The following CMTR1 variants were observed in gnomAD, a reference collection of about 807,000 sequenced individuals.
CMTR1 encodes cap-specific mRNA (nucleoside-2'-O-)-methyltransferase 1.
CMTR1 carries 39 observed loss-of-function variants against 107.0 expected under a neutral mutation model. The observed-to-expected ratio is 0.36, with a 90% CI of 0.28 to 0.48. CMTR1 has a LOEUF of 0.48. Among genes scored for constraint, CMTR1 ranks in the 20% least tolerant of loss-of-function variants. The pLI, the probability that CMTR1 is intolerant of heterozygous loss-of-function variation, is 0.99. For synonymous variants in CMTR1, 366 were observed against 379.5 expected (o/e 0.96, Z 0.41); for missense variants, 672 against 1,064.9 (o/e 0.63, Z 5.14).
Position 37,446,288 on chromosome 6 carries a change from C to G in CMTR1, c.286-3C>G. ...ATTGTGCTCCACTACTTCTCTTTTT[C>G]AGGCCAAGATGGGCTTCAGGGAAGG... On this transcript the variant is annotated splice_region_variant and splice_polypyrimidine_tract_variant and intron_variant, in intron 3 of 23. Transcript: ENST00000373451. 1 of 1,612,664 alleles carries G rather than the reference C, an allele frequency of 6.2e-7. No homozygotes were observed. Among genetic ancestry groups the G allele is most frequent in the Non-Finnish European group, 8.5e-7 (1 of 1,179,586 alleles).
At chr6:37,456,724 T>G (rs1232700810) in intron 8 of CMTR1, among the ~76,000 whole-genome samples, 2 of 152,170 alleles carry the variant, frequency 1.3e-5, no homozygotes, top group African/African-American at 4.8e-5. Context: ...CCAACTATAG[T>G]CTTTTGCAGT....
At chr6:37,477,688 C>A in intron 21 of CMTR1, 49 bp downstream of exon 21, 3 of 1,315,584 alleles carry the variant, frequency 2.3e-6, no homozygotes, top group Non-Finnish European at 3.3e-6. Flanking sequence ...GGTGGGGGTG[C>A]GGCCGTGTCC....
Position 37,459,665 on chromosome 6 carries a change from A to G in CMTR1, c.1076A>G (p.His359Arg). ...GATAACACAGATCGCAAGGGTGTCC[A>G]TTTTCTGATGGCTGATGGGGTAGGT... ...VLDNTDRKGV[H>R]FLMADGGFSV... The change falls in exon 10 of 24, where the codon CAT becomes CGT. Residue 359 changes from histidine to arginine, a missense_variant. His to Arg is a conservative substitution (Grantham distance 29). Coordinates refer to ENST00000373451, the MANE Select transcript of CMTR1 (RefSeq NM_015050.3). 1 of 1,613,832 alleles carries G rather than the reference A, an allele frequency of 6.2e-7. No individual in the cohort carries two copies. The highest frequency in any genetic ancestry group is 8.5e-7 in the Non-Finnish European group (1 of 1,179,756).
chr6:37,444,413 T>C (rs1771739098), intron 3 of CMTR1, among the ~76,000 whole-genome samples: 1 of 152,182 alleles, frequency 6.6e-6, no homozygotes, highest in Non-Finnish European at 1.5e-5. Context: ...AATGAATTCT[T>C]ATTACTAACA....
At chr6:37,452,807 T>G (rs1003922436) in intron 6 of CMTR1, among the ~76,000 whole-genome samples, 1 of 152,052 alleles carries the variant, frequency 6.6e-6, no homozygotes, top group Non-Finnish European at 1.5e-5. Context: ...GCGGGTGCCG[T>G]TTTTTAAACA....
Position 37,462,943 on chromosome 6 carries a change from G to A in CMTR1, c.1440G>A (p.Val480=), listed in dbSNP as rs1761431632. The change falls in exon 13 of 24, where the codon GTG becomes GTA. Residue 480 remains valine (V), a synonymous_variant. Coordinates refer to ENST00000373451, the MANE Select transcript of CMTR1 (RefSeq NM_015050.3). ...ACACGGATTCCGACGTCAACTTGGT[G>A]GTCCCCCTGGAGGTGATCAAGGGAG... ...LRNTDSDVNL[V]VPLEVIKGDH... is the part of the protein sequence containing the mutation. The A allele has an allele frequency of 6.2e-7, 1 of 1,614,056 alleles. No individual in the cohort carries two copies. The highest frequency in any genetic ancestry group is 1.3e-5 in the African/African-American group (1 of 74,910).
chr6:37,469,521 C>T (rs1317637196), intron 13 of CMTR1, among the ~76,000 whole-genome samples: 2 of 61,594 alleles, frequency 3.2e-5, no homozygotes, highest in Non-Finnish European at 5.6e-5. Context: ...TTGTTTTATC[C>T]TTTTTTTTTT....
chr6:37,480,773 G>T lies in CMTR1; in HGVS notation c.*628G>T. The T allele has an allele frequency of 9.2e-7, 1 of 1,091,714 alleles. No individual in the cohort carries two copies. The highest frequency in any genetic ancestry group is 1.1e-6 in the Non-Finnish European group (1 of 893,326). 67.6% of individuals were successfully genotyped at this position (1,091,714 alleles called of 1,614,324 possible). On this transcript the variant is annotated 3_prime_UTR_variant, in exon 24 of 24. Coordinates refer to ENST00000373451, the MANE Select transcript of CMTR1 (RefSeq NM_015050.3). Reference sequence around the variant, plus strand: ...GAGCTCTGACAGTCCAGCAGGGTGGGAAGGAGGGAGTTTGGGCAAACTCTC... The same window carrying T: ...GAGCTCTGACAGTCCAGCAGGGTGGTAAGGAGGGAGTTTGGGCAAACTCTC...
the CMTR1 span, among the ~76,000 whole-genome samples, chr6:37,425,763 T>C: frequency 1.3e-5 from 2 of 152,198 alleles, no homozygotes; most frequent in Admixed American, 6.6e-5. Flanking sequence ...TTGATATGCA[T>C]ATCTTTGAGT....
intron 9 of CMTR1, 58 bp from the exon 10 acceptor site, chr6:37,459,507 TC>T: frequency 6.9e-7 from 1 of 1,441,110 alleles, no homozygotes; most frequent in South Asian, 1.1e-5. Flanking sequence ...AGCACTCGTG[TC>T]CCAGCTCCTG....
intron 2 of CMTR1, chr6:37,436,486 C>G (rs892855048): frequency 1.3e-5 from 2 of 152,256 alleles, no homozygotes; most frequent in Non-Finnish European, 2.9e-5. Context: ...CATTTATTCT[C>G]TCACAGCTCT....
chr6:37,438,062 T>C (rs1310758925), intron 2 of CMTR1, among the ~76,000 whole-genome samples: 1 of 152,194 alleles, frequency 6.6e-6, no homozygotes, highest in African/African-American at 2.4e-5. Context: ...CAGTCAGGAT[T>C]GACTATTGCT....
the CMTR1 span, among the ~76,000 whole-genome samples, chr6:37,425,456 G>T: frequency 6.6e-6 from 1 of 150,858 alleles, no homozygotes; most frequent in South Asian, 2.1e-4. Context: ...GCCACGCCTG[G>T]CTAATTTTTT....
chr6:37,442,186 GT>G (rs1175278216), intron 2 of CMTR1, among the ~76,000 whole-genome samples: 1 of 152,182 alleles, frequency 6.6e-6, no homozygotes, highest in Non-Finnish European at 1.5e-5. Context: ...TATAGAATAG[GT>G]GCTGAACCAG....
At position 37,480,832 on chromosome 6, in the gene CMTR1, T is replaced by C. The variant is rs533319525; in HGVS notation, c.*687T>C. On this transcript the variant is annotated 3_prime_UTR_variant, in exon 24 of 24. Coordinates refer to ENST00000373451, the MANE Select transcript of CMTR1 (RefSeq NM_015050.3). ...TACCACATTGAGATCCTGGGAGCCC[T>C]CTTTTCGTACTGAGTATGGAGTTGT... 8.8e-7 allele frequency: 1 copy of C among 1,134,386 alleles called. No individual in the cohort carries two copies. Among genetic ancestry groups the C allele is most frequent in the East Asian group, 7.1e-5 (1 of 14,082 alleles). 70.3% of individuals were successfully genotyped at this position (1,134,386 alleles called of 1,614,324 possible).
chr6:37,444,361 T>C (rs1771738008), intron 3 of CMTR1, among the ~76,000 whole-genome samples: 2 of 152,242 alleles, frequency 1.3e-5, no homozygotes, highest in Admixed American at 1.3e-4. Context: ...GGCCTGTTTC[T>C]GCTGTTCTAT....
intron 22 of CMTR1, among the ~76,000 whole-genome samples, chr6:37,478,757 A>G (rs1000258591): frequency 5.9e-5 from 9 of 152,148 alleles, no homozygotes; most frequent in African/African-American, 2.2e-4. Context: ...ACTTGTACAC[A>G]CGCACGTGTT....
At chr6:37,453,357 T>G (rs1761225348) in intron 8 of CMTR1, 45 bp downstream of exon 8, 1 of 1,560,454 alleles carries the variant, frequency 6.4e-7, no homozygotes, top group Non-Finnish European at 8.8e-7. Context: ...CTAAGAGGGC[T>G]TAAGTTTCAG....
intron 10 of CMTR1, 48 bp from the exon 11 acceptor site, chr6:37,461,501 T>C: frequency 9.8e-7 from 1 of 1,023,900 alleles, no homozygotes; most frequent in East Asian, 2.4e-5. Flanking sequence ...TTATTCTTAG[T>C]CCTTCTCTTT....
Sources: gnomAD v4.1 joint callset for allele counts (sites outside exome capture counted in the v4.1 genomes callset) on GRCh38, gnomAD v4.1.1 for gene constraint, MANE v1.5 for transcripts, NCBI Gene and HGNC (gene_info 2026-07-23, HGNC 2026-07-21) for gene names.